The following COL4A2 variants were observed in gnomAD, a reference collection of about 807,000 sequenced individuals.
COL4A2 encodes collagen type IV alpha 2 chain.
In COL4A2, 99 loss-of-function variants were observed where a neutral mutation model predicts 200.2. That is an observed-to-expected ratio of 0.49 (90% CI 0.42 to 0.58). The LOEUF (loss-of-function observed/expected upper bound fraction) is 0.58. Ranked by LOEUF, COL4A2 falls within the 20% of genes least tolerant of loss-of-function variation. COL4A2 has a pLI of 0.00. For missense variants in COL4A2, 1,950 were observed against 2,314.1 expected (o/e 0.84, Z 3.23); for synonymous variants, 897 against 900.6 (o/e 1.00, Z 0.07).
At chr13:110,380,674 T>C (rs1290696927) in intron 4 of COL4A2, among the ~76,000 whole-genome samples, 169 of 110,050 alleles carry the variant, frequency 1.5e-3, no homozygotes, top group South Asian at 3.9e-3. Flanking sequence ...CGGGCTCTAT[T>C]TCACACCCAT....
chr13:110,330,764 A>G (rs1373546219), intron 3 of COL4A2, among the ~76,000 whole-genome samples: 3 of 151,994 alleles, frequency 2.0e-5, no homozygotes. Context: ...ACCTCCTACT[A>G]GATACTTTTT....
In COL4A2 at chr13:110,495,322, C is replaced by T. The variant is rs760578110; in HGVS notation, c.3635-20C>T. ...TGGTTGGAAACACCGACATCAGCTG[C>T]TGTTATAACTCTTCCACAGGTTCTG... On this transcript the variant is annotated intron_variant, in intron 39 of 47. Transcript: ENST00000360467. The T allele has an allele frequency of 1.2e-6, 2 of 1,613,978 alleles. No individual in the cohort carries two copies. Among genetic ancestry groups the T allele is most frequent in the Non-Finnish European group, 8.5e-7 (1 of 1,179,916 alleles).
chr13:110,317,005 C>T (rs1473311909), intron 3 of COL4A2, among the ~76,000 whole-genome samples: 1 of 151,912 alleles, frequency 6.6e-6, no homozygotes, highest in Non-Finnish European at 1.5e-5. Flanking sequence ...ACCCTGTACT[C>T]ACACACACAC....
At position 110,482,496 on chromosome 13, in the gene COL4A2, T is replaced by G. The variant is rs775628409; in HGVS notation, c.2759-20T>G. 3.1e-6 allele frequency: 5 copies of G among 1,611,542 alleles called. No homozygotes were observed. The highest frequency in any genetic ancestry group is 4.2e-6 in the Non-Finnish European group (5 of 1,177,782). ...ATTTTATTCATGTCTAACCCAGCAC[T>G]TTTCTCTTTTCCTCTGAAGGAGATA... On this transcript the variant is annotated intron_variant, in intron 31 of 47. Coordinates refer to ENST00000360467, the MANE Select transcript of COL4A2 (RefSeq NM_001846.4).
chr13:110,312,150 C>T (rs1468579698), intron 3 of COL4A2, among the ~76,000 whole-genome samples: 1 of 152,254 alleles, frequency 6.6e-6, no homozygotes, highest in East Asian at 1.9e-4. Flanking sequence ...GGTTCCTCCT[C>T]TGCTCGTGGA....
chr13:110,442,733 T>C (rs1881173539), intron 16 of COL4A2, among the ~76,000 whole-genome samples: 1 of 146,814 alleles, frequency 6.8e-6, no homozygotes, highest in East Asian at 2.0e-4. Context: ...TTCTGATAAA[T>C]TAGAGATGGT....
chr13:110,427,651 A>G (rs972577256), intron 6 of COL4A2, among the ~76,000 whole-genome samples: 2 of 152,228 alleles, frequency 1.3e-5, no homozygotes, highest in Non-Finnish European at 2.9e-5. Flanking sequence ...GTGGCCAGGT[A>G]CTGCATAAAT....
chr13:110,392,862 GT>G (rs1300251397), intron 4 of COL4A2, among the ~76,000 whole-genome samples: 1 of 152,214 alleles, frequency 6.6e-6, no homozygotes, highest in Non-Finnish European at 1.5e-5. Context: ...AGAAAGTAAA[GT>G]TAAGAAATAA....
chr13:110,467,848 T>G (rs1053886329), intron 27 of COL4A2, among the ~76,000 whole-genome samples: 1 of 152,128 alleles, frequency 6.6e-6, no homozygotes, highest in African/African-American at 2.4e-5. Context: ...AAAAGCAAGT[T>G]CTCTGAGCAG....
At chr13:110,389,959 A>G (rs1031334525) in intron 4 of COL4A2, among the ~76,000 whole-genome samples, 2 of 152,156 alleles carry the variant, frequency 1.3e-5, no homozygotes, top group Non-Finnish European at 2.9e-5. Flanking sequence ...CCTAAGTTCG[A>G]TAATAGCATT....
intron 31 of COL4A2, among the ~76,000 whole-genome samples, chr13:110,481,903 C>T (rs1882942261): frequency 9.1e-6 from 1 of 109,682 alleles, no homozygotes; most frequent in Non-Finnish European, 1.9e-5. Context: ...GCTGGAGACA[C>T]ACTGCTCTGT....
At chr13:110,423,896 C>T (rs1880356812) in intron 4 of COL4A2, among the ~76,000 whole-genome samples, 2 of 152,172 alleles carry the variant, frequency 1.3e-5, no homozygotes, top group South Asian at 4.1e-4. Flanking sequence ...TAGGTGACTG[C>T]TTCCTTCCTC....
At chr13:110,462,550 T>G in intron 24 of COL4A2, 166 bp downstream of exon 24, 1 of 622,800 alleles carries the variant, frequency 1.6e-6, no homozygotes, top group Non-Finnish European at 2.7e-6. Context: ...AATCAGACTT[T>G]TTAGGAAACG....
intron 4 of COL4A2, among the ~76,000 whole-genome samples, chr13:110,395,800 C>T (rs1879162433): frequency 3.3e-5 from 5 of 152,114 alleles, no homozygotes. Flanking sequence ...TAAAAATTAG[C>T]CAGGTTTGGT....
chr13:110,508,317 C>A lies in COL4A2; in HGVS notation c.4881+96C>A. 6.5e-7 allele frequency: 1 copy of A among 1,549,676 alleles called. No homozygotes were observed. Among genetic ancestry groups the A allele is most frequent in the South Asian group, 1.2e-5 (1 of 81,308 alleles). ...TGTGAGAAGAATCAGACACGGCAGT[C>A]CAGGGTGTGCACTGCACAAGGGTAG... On this transcript the variant is annotated intron_variant, in intron 47 of 47. Coordinates refer to ENST00000360467, the MANE Select transcript of COL4A2 (RefSeq NM_001846.4). This position sits in a 1 kb window ranked among gnomAD's most constrained non-coding sequence, Gnocchi z 6.1.
At chr13:110,486,187 C>T (rs1318417161) in intron 34 of COL4A2, among the ~76,000 whole-genome samples, 1 of 152,182 alleles carries the variant, frequency 6.6e-6, no homozygotes, top group Non-Finnish European at 1.5e-5. Context: ...AGCCCATGGC[C>T]GAATCACAGC....
intron 4 of COL4A2, among the ~76,000 whole-genome samples, chr13:110,406,349 G>A (rs7982289): frequency 0.015 from 2,260 of 152,230 alleles, 57 homozygotes; most frequent in African/African-American, 0.049. Context: ...CTGAGAGCCC[G>A]GCACAGGACT....
At position 110,343,887 on chromosome 13, in the gene COL4A2, G is replaced by T. The variant is rs142158624; in HGVS notation, c.100-13585G>T. Among the ~76,000 whole-genome samples the T allele has an allele frequency of 4.5e-4, 68 of 152,270 alleles. 1 individual carries two copies. In the East Asian group the frequency reaches 9.6e-3, roughly 22 times the overall value. ...TGAAGGTACTTCTCTGGAATAAATAGCTTCAAGAGATGGACCCACTTTGTT... is the reference window on the plus strand; with the variant it reads ...TGAAGGTACTTCTCTGGAATAAATATCTTCAAGAGATGGACCCACTTTGTT... On this transcript the variant is annotated intron_variant, in intron 3 of 47. Transcript: ENST00000360467.
At chr13:110,406,073 T>G (rs1400089042) in intron 4 of COL4A2, among the ~76,000 whole-genome samples, 3 of 152,240 alleles carry the variant, frequency 2.0e-5, no homozygotes, top group Non-Finnish European at 4.4e-5. Flanking sequence ...AAAGTGCTAC[T>G]GTCTTGCATG....
Sources: allele counts gnomAD v4.1 joint callset (sites outside exome capture counted in the v4.1 genomes callset), GRCh38; gene constraint gnomAD v4.1.1; non-coding constraint Gnocchi (gnomAD v3.1); transcripts MANE v1.5; gene names NCBI Gene and HGNC (gene_info 2026-07-23, HGNC 2026-07-21).